MYH7B: variants seen among roughly 807,000 people sequenced by gnomAD.
The protein encoded by MYH7B is myosin heavy chain 7B.
A neutral mutation model predicts 234.5 loss-of-function variants in MYH7B; 205 were observed. The ratio of observed to expected loss-of-function variants is 0.87; its 90% CI spans 0.78 to 0.98. The LOEUF is 0.98. MYH7B is among the 50% of genes least tolerant of loss of function. MYH7B has a pLI of 0.00. For synonymous variants in MYH7B, 1,193 were observed against 1,105.0 expected, an observed-to-expected ratio of 1.08 and a Z score of -1.58; for missense variants, 2,652 against 2,633.4, an observed-to-expected ratio of 1.01 and a Z score of -0.15.
chr20:34,993,397 G>A, exon 26 of MYH7B: 1 of 1,613,472 alleles, frequency 6.2e-7, no homozygotes, highest in African/African-American at 1.3e-5. Context: ...CCTGGCCAAG[G>A]TGCTGACGCT....
In MYH7B at chr20:34,990,221, T is replaced by G. The variant is rs2082116763; in HGVS notation, c.1901-13T>G. The G allele has an allele frequency of 1.2e-6, 2 of 1,614,010 alleles. No individual in the cohort carries two copies. The highest frequency in any genetic ancestry group is 1.1e-5 in the South Asian group (1 of 91,092). ...ACATTCCCTGGAGTGACCAGGCCCC[T>G]TGTCTCTATTAGCTGAGCCCCCCAA... On this transcript the variant is annotated splice_polypyrimidine_tract_variant and intron_variant, in intron 21 of 44. Transcript: ENST00000262873.
chr20:34,998,864 G>T lies in MYH7B; in HGVS notation c.4139G>T (p.Ser1380Ile), dbSNP rs760285059. The T allele has an allele frequency of 1.9e-6, 3 of 1,613,262 alleles. No individual in the cohort carries two copies. The Admixed American group carries it at 5.0e-5, about 27-fold the overall frequency. Residue 1380 changes from serine (S) to isoleucine (I), a missense_variant, in exon 35 of 45, where the codon AGC becomes ATC. Ser to Ile is a moderately radical substitution (Grantham distance 142). Around this residue, in one of 3 missense-constraint regions of MYH7B, gnomAD observed 2,279 missense variants for 2,211.4 expected, o/e 1.03. Coordinates refer to ENST00000262873, the Ensembl canonical transcript of MYH7B. ...AATGCCGAGGTGGCCCAGTGGAGGAGCAAGTACGAAGCAGATGCCATCCAG... is the reference window on the plus strand; with the variant it reads ...AATGCCGAGGTGGCCCAGTGGAGGATCAAGTACGAAGCAGATGCCATCCAG...
At position 34,963,587 on chromosome 20, in the gene MYH7B, G is replaced by A. The variant is rs186033829; in HGVS notation, c.-222+5375G>A. ...GAAGCACATATTTTAAAATTTTGAC[G>A]AAGTCCAATTTATTTATTTTTTCCT... On this transcript the variant is annotated intron_variant, in intron 2 of 44. Transcript: ENST00000262873. 4.6e-5 allele frequency among the ~76,000 whole-genome samples: 7 copies of A among 152,186 alleles called. No individual in the cohort carries two copies. In the East Asian group the frequency reaches 5.8e-4, roughly 13 times the overall value.
intron 8 of MYH7B, 46 bp from the exon 9 acceptor site, chr20:34,980,987 G>T (rs757469986): frequency 1.9e-6 from 3 of 1,612,612 alleles, no homozygotes; most frequent in Admixed American, 1.7e-5. Context: ...CCTGTGGCTG[G>T]CCCCACACCT....
intron 5 of MYH7B, 117 bp downstream of exon 5, chr20:34,978,213 C>G (rs1469551894): frequency 5.8e-6 from 7 of 1,203,230 alleles, no homozygotes; most frequent in Non-Finnish European, 8.2e-6. Context: ...GGCCTGACAG[C>G]TGGAGCCCTG....
At position 34,977,979 on chromosome 20, in the gene MYH7B, C is replaced by T. The variant is rs778805895; in HGVS notation, c.-27C>T. 2.5e-6 allele frequency: 4 copies of T among 1,614,080 alleles called. No homozygotes were observed. In the South Asian group the frequency reaches 3.3e-5, roughly 13 times the overall value. On this transcript the variant is annotated 5_prime_UTR_variant, in exon 5 of 45. Transcript: ENST00000262873. Reference sequence around the variant, plus strand: ...CTTGAACCTCCAGGGTTTCCAGCTCCTCCTCCTTCACCCCAGTGCCACTGC... The same window carrying T: ...CTTGAACCTCCAGGGTTTCCAGCTCTTCCTCCTTCACCCCAGTGCCACTGC...
exon 23 of MYH7B, chr20:34,990,790 T>C: frequency 6.2e-7 from 1 of 1,614,052 alleles, no homozygotes; most frequent in South Asian, 1.1e-5. Flanking sequence ...CCCCACTTCG[T>C]CCGCTGCATT....
Position 34,993,266 on chromosome 20 carries a change from G to A in MYH7B, c.2307+41G>A, listed in dbSNP as rs3746441. On this transcript the variant is annotated intron_variant, in intron 25 of 44. Coordinates refer to ENST00000262873, the Ensembl canonical transcript of MYH7B. ...GATCAGGGCTGGCCATGGCTGTGGC[G>A]GTCACACTGGGCAGGGTTCATGCGG... 4,637 of 1,613,914 alleles carry A rather than the reference G, an allele frequency of 2.9e-3. 249 individuals are homozygous for A. In the East Asian group the frequency reaches 0.097, roughly 34 times the overall value.
intron 8 of MYH7B, 34 bp from the exon 9 acceptor site, chr20:34,980,999 G>C (rs1314631192): frequency 6.2e-7 from 1 of 1,614,078 alleles, no homozygotes; most frequent in South Asian, 1.1e-5. Flanking sequence ...CCCACACCTT[G>C]GCTGACTTCT....
At chr20:34,996,966 G>A in intron 30 of MYH7B, 117 bp from the exon 31 acceptor site, 1 of 1,142,276 alleles carries the variant, frequency 8.8e-7, no homozygotes, top group Non-Finnish European at 1.2e-6. Context: ...GCCCAGTGCA[G>A]CAGGTGCATG....
At chr20:34,985,003 C>G in intron 12 of MYH7B, 57 bp downstream of exon 12, 2 of 1,609,588 alleles carry the variant, frequency 1.2e-6, no homozygotes, top group Non-Finnish European at 8.5e-7. Context: ...AGCGGCAGGT[C>G]GGGCACAGGT....
chr20:34,995,941 G>A (rs1247557281), intron 28 of MYH7B, among the ~76,000 whole-genome samples: 2 of 152,214 alleles, frequency 1.3e-5, no homozygotes, highest in East Asian at 1.9e-4. Context: ...TTGAGCCCTC[G>A]TGATGGCCCC....
At chr20:34,977,805 G>C (rs1017143683) in intron 4 of MYH7B, 125 bp downstream of exon 4, 26 of 1,499,996 alleles carry the variant, frequency 1.7e-5, no homozygotes, top group Non-Finnish European at 2.3e-5. Context: ...GTGTTTGAGG[G>C]TGTGCATGTA....
chr20:34,987,781 G>C, exon 18 of MYH7B: 1 of 1,614,194 alleles, frequency 6.2e-7, no homozygotes, highest in East Asian at 2.2e-5. Flanking sequence ...TTTGCTGTGG[G>C]GGCTCTGGCC....
intron 36 of MYH7B, 77 bp from the exon 37 acceptor site, chr20:34,999,494 G>GA (rs2082327366): frequency 1.3e-6 from 2 of 1,526,682 alleles, no homozygotes. Context: ...GGCCACCCTG[G>GA]AATCAGGGGT....
intron 2 of MYH7B, among the ~76,000 whole-genome samples, chr20:34,964,304 A>G (rs2081723779): frequency 6.6e-6 from 1 of 152,014 alleles, no homozygotes; most frequent in African/African-American, 2.4e-5. Context: ...ATTAATAGCA[A>G]GATTTGTTTT....
chr20:34,994,310 T>C (rs1341786087), exon 27 of MYH7B: 3 of 1,610,222 alleles, frequency 1.9e-6, no homozygotes. Flanking sequence ...CGAGGGGCGC[T>C]GGCTGCGGCC....
chr20:34,980,633 A>C, exon 8 of MYH7B: 1 of 1,614,160 alleles, frequency 6.2e-7, no homozygotes, highest in Non-Finnish European at 8.5e-7. Flanking sequence ...CTCCCAGTCT[A>C]TACGGCCTCC....
At chr20:34,980,037 G>A (rs1283600377) in intron 7 of MYH7B, 4 of 568,364 alleles carry the variant, frequency 7.0e-6, no homozygotes, top group Non-Finnish European at 1.3e-5. Flanking sequence ...GGGAGCAGCT[G>A]TAGCAGTGCG....
Sources: gnomAD v4.1 joint callset for allele counts (sites outside exome capture counted in the v4.1 genomes callset) on GRCh38, gnomAD v4.1.1 for gene constraint, gnomAD v4.1.1 regional missense constraint, MANE v1.5 for transcripts, NCBI Gene and HGNC (gene_info 2026-07-23, HGNC 2026-07-21) for gene names.